SLC1A1: variants seen among roughly 807,000 people sequenced by gnomAD.
SLC1A1 encodes the protein excitatory amino acid transporter 3.
SLC1A1 carries 43 observed loss-of-function variants against 53.3 expected under a neutral mutation model. The observed-to-expected ratio is 0.81, with a 90% confidence interval of 0.63 to 1.04. The LOEUF is 1.04. Among genes scored for constraint, SLC1A1 ranks in the 50% least tolerant of loss-of-function variants. The probability of loss-of-function intolerance (pLI) is 0.00; values close to 1 mark genes in which losing one functional copy is unlikely to be tolerated. For synonymous variants in SLC1A1, 307 were observed against 243.2 expected (o/e 1.26, Z -2.44); for missense variants, 748 against 664.9 (o/e 1.12, Z -1.37).
intron 10 of SLC1A1, 122 bp from the exon 11 acceptor site, chr9:4,582,916 T>C (rs911916314): frequency 7.8e-7 from 1 of 1,279,564 alleles, no homozygotes; most frequent in Non-Finnish European, 1.1e-6. Flanking sequence ...AGATTCTAAC[T>C]ACCCAATTTA....
intron 1 of SLC1A1, among the ~76,000 whole-genome samples, chr9:4,508,395 C>T: frequency 6.6e-6 from 1 of 152,102 alleles, no homozygotes; most frequent in East Asian, 1.9e-4. Context: ...ACCTGCTGGG[C>T]TCTAAGCCAG....
intron 10 of SLC1A1, among the ~76,000 whole-genome samples, chr9:4,580,023 C>A (rs1349413374): frequency 6.6e-6 from 1 of 152,070 alleles, no homozygotes; most frequent in Non-Finnish European, 1.5e-5. Context: ...GAGTTCGAGA[C>A]AAGCCTGGGC....
At chr9:4,532,394 G>A (rs534688187) in intron 1 of SLC1A1, among the ~76,000 whole-genome samples, 1 of 152,206 alleles carries the variant, frequency 6.6e-6, no homozygotes, top group South Asian at 2.1e-4. Flanking sequence ...GAAAACCAAG[G>A]CACGAGAACT....
chr9:4,570,209 T>C (rs1426001230), intron 6 of SLC1A1, among the ~76,000 whole-genome samples: 2 of 152,208 alleles, frequency 1.3e-5, no homozygotes, highest in Non-Finnish European at 2.9e-5. Context: ...ATTAATTACA[T>C]ACCTTCCTGC....
At chr9:4,522,727 G>A (rs963836603) in intron 1 of SLC1A1, among the ~76,000 whole-genome samples, 23 of 152,306 alleles carry the variant, frequency 1.5e-4, no homozygotes, top group African/African-American at 5.1e-4. Flanking sequence ...GTGAGCGTGT[G>A]AAGGAGGAAC....
chr9:4,525,634 G>A (rs1816232460), intron 1 of SLC1A1, among the ~76,000 whole-genome samples: 1 of 152,026 alleles, frequency 6.6e-6, no homozygotes, highest in South Asian at 2.1e-4. Context: ...CTAGATAATA[G>A]AAAAATGATA....
chr9:4,505,079 C>G (rs530549667), intron 1 of SLC1A1, among the ~76,000 whole-genome samples: 2 of 134,246 alleles, frequency 1.5e-5, no homozygotes, highest in Non-Finnish European at 3.1e-5. Context: ...TACAGCCTCA[C>G]TATGTCGCCC....
At chr9:4,497,351 C>CGCT (rs960922541) in intron 1 of SLC1A1, among the ~76,000 whole-genome samples, 9 of 152,150 alleles carry the variant, frequency 5.9e-5, no homozygotes, top group Non-Finnish European at 8.8e-5. Context: ...TATCCTCTCC[C>CGCT]GCTGCTGTGT....
intron 1 of SLC1A1, among the ~76,000 whole-genome samples, chr9:4,525,945 CAT>C (rs1816242418): frequency 6.6e-6 from 1 of 151,936 alleles, no homozygotes; most frequent in South Asian, 2.1e-4. Flanking sequence ...GTAAAAATAC[CAT>C]ATAATAATTC....
At chr9:4,517,438 C>T (rs1815890911) in intron 1 of SLC1A1, among the ~76,000 whole-genome samples, 2 of 152,186 alleles carry the variant, frequency 1.3e-5, no homozygotes, top group Admixed American at 6.5e-5. Flanking sequence ...AACATAGCAC[C>T]TCTGTGGTGC....
intron 1 of SLC1A1, among the ~76,000 whole-genome samples, chr9:4,533,827 A>G (rs944424170): frequency 6.6e-6 from 1 of 152,174 alleles, no homozygotes; most frequent in African/African-American, 2.4e-5. Flanking sequence ...CTCCTCAGCA[A>G]ATGTAAAAGA....
chr9:4,574,926 C>A (rs1286940773), intron 8 of SLC1A1, among the ~76,000 whole-genome samples: 2 of 152,198 alleles, frequency 1.3e-5, no homozygotes, highest in Non-Finnish European at 2.9e-5. Flanking sequence ...TTGGTCCCTA[C>A]AGTGTGAGGC....
intron 1 of SLC1A1, among the ~76,000 whole-genome samples, chr9:4,494,049 G>C (rs1034424873): frequency 1.3e-5 from 2 of 152,142 alleles, no homozygotes; most frequent in Non-Finnish European, 2.9e-5. Flanking sequence ...ACCCTACATG[G>C]TCCTGAAAAT....
At chr9:4,573,849 C>G (rs1241516671) in intron 7 of SLC1A1, 58 bp from the exon 8 acceptor site, 2 of 1,200,204 alleles carry the variant, frequency 1.7e-6, no homozygotes, top group African/African-American at 1.5e-5. Flanking sequence ...TCCCCACCAA[C>G]CTAGCATGAG....
intron 1 of SLC1A1, among the ~76,000 whole-genome samples, chr9:4,539,799 T>C (rs1422400025): frequency 6.6e-6 from 1 of 152,128 alleles, no homozygotes; most frequent in African/African-American, 2.4e-5. Flanking sequence ...CTCAAACTCC[T>C]GACCTCGTGA....
intron 1 of SLC1A1, among the ~76,000 whole-genome samples, chr9:4,494,242 G>T (rs1738080357): frequency 6.6e-6 from 1 of 152,100 alleles, no homozygotes; most frequent in Non-Finnish European, 1.5e-5. Context: ...TATCATGCAG[G>T]CAAACTGTGT....
At chr9:4,546,894 A>T (rs373621644) in intron 2 of SLC1A1, among the ~76,000 whole-genome samples, 4 of 152,210 alleles carry the variant, frequency 2.6e-5, no homozygotes, top group South Asian at 2.1e-4. Flanking sequence ...TATATACTAT[A>T]TTTTGCACGC....
chr9:4,504,430 C>G (rs1820732435), intron 1 of SLC1A1, among the ~76,000 whole-genome samples: 1 of 152,184 alleles, frequency 6.6e-6, no homozygotes, highest in Admixed American at 6.5e-5. Context: ...TTCCAGGAGA[C>G]TTTGAACAAC....
chr9:4,579,454 T>A (rs1273265171), intron 10 of SLC1A1, among the ~76,000 whole-genome samples: 3 of 151,784 alleles, frequency 2.0e-5, no homozygotes, highest in African/African-American at 4.8e-5. Flanking sequence ...TCCCTCCCTC[T>A]TTTTTGGTTG....
Sources: gnomAD v4.1 joint callset for allele counts (sites outside exome capture counted in the v4.1 genomes callset) on GRCh38, gnomAD v4.1.1 for gene constraint, MANE v1.5 for transcripts, NCBI Gene and HGNC (gene_info 2026-07-23, HGNC 2026-07-21) for gene names.